Variants in MERTK observed in about 807,000 individuals in gnomAD.
MERTK encodes MER proto-oncogene, tyrosine kinase.
Under a neutral mutation model 99.3 loss-of-function variants are expected in MERTK, and 69 were observed. The ratio of observed to expected loss-of-function variants is 0.70; its 90% CI spans 0.57 to 0.85. MERTK has a LOEUF of 0.85. Among genes scored for constraint, MERTK ranks in the 40% least tolerant of loss-of-function variants. MERTK has a pLI of 0.00. For missense variants in MERTK, 1,125 were observed against 1,249.4 expected, an observed-to-expected ratio of 0.90 and a Z score of 1.50; for synonymous variants, 426 against 467.6, an observed-to-expected ratio of 0.91 and a Z score of 1.15.
intron 13 of MERTK, among the ~76,000 whole-genome samples, chr2:112,005,737 T>C (rs1330116878): frequency 6.6e-6 from 1 of 152,186 alleles, no homozygotes; most frequent in East Asian, 1.9e-4. Context: ...ATTAACCCCT[T>C]GTACCTATTC....
chr2:112,017,720 A>G (rs1677247233), intron 15 of MERTK, among the ~76,000 whole-genome samples: 1 of 152,132 alleles, frequency 6.6e-6, no homozygotes, highest in Non-Finnish European at 1.5e-5. Context: ...GCAGCACACA[A>G]GATCAGAATG....
At chr2:111,976,152 A>G (rs1676242119) in intron 7 of MERTK, among the ~76,000 whole-genome samples, 1 of 152,244 alleles carries the variant, frequency 6.6e-6, no homozygotes, top group Admixed American at 6.5e-5. Context: ...AGGATGAGAT[A>G]TAGAAGGAAA....
At chr2:111,993,432 C>T (rs187658976) in intron 8 of MERTK, among the ~76,000 whole-genome samples, 11 of 152,286 alleles carry the variant, frequency 7.2e-5, no homozygotes, top group Non-Finnish European at 1.2e-4. Flanking sequence ...CATCTGTGAC[C>T]TGCATGACCT....
chr2:112,023,280 G>A (rs1677395084), intron 18 of MERTK, among the ~76,000 whole-genome samples: 1 of 152,124 alleles, frequency 6.6e-6, no homozygotes, highest in East Asian at 1.9e-4. Context: ...CGGGTGTGGT[G>A]GCGGGCGCCT....
intron 8 of MERTK, 68 bp from the exon 9 acceptor site, chr2:111,994,183 C>T: frequency 1.9e-6 from 3 of 1,577,624 alleles, no homozygotes; most frequent in Non-Finnish European, 2.6e-6. Context: ...TCAGAAGGAA[C>T]TGTAGATGCA....
chr2:111,927,961 A>G (rs1372800876), intron 1 of MERTK, among the ~76,000 whole-genome samples: 1 of 152,208 alleles, frequency 6.6e-6, no homozygotes, highest in Non-Finnish European at 1.5e-5. Flanking sequence ...ATTTGAATAG[A>G]TAACAACCAG....
chr2:111,979,737 G>A (rs1676328189), intron 7 of MERTK, among the ~76,000 whole-genome samples: 1 of 151,628 alleles, frequency 6.6e-6, no homozygotes. Flanking sequence ...TTATCATGTT[G>A]CTAATTTCAA....
intron 8 of MERTK, among the ~76,000 whole-genome samples, chr2:111,992,640 A>G (rs987151913): frequency 6.6e-6 from 1 of 151,524 alleles, no homozygotes; most frequent in Non-Finnish European, 1.5e-5. Context: ...AGTCCCAGCT[A>G]CTCAGGAGGC....
intron 4 of MERTK, among the ~76,000 whole-genome samples, chr2:111,947,956 C>T (rs1302015217): frequency 1.3e-5 from 2 of 152,090 alleles, no homozygotes; most frequent in South Asian, 2.1e-4. Flanking sequence ...GTGGATTCAT[C>T]ATGGGGAGCT....
In MERTK at chr2:111,900,824, A is replaced by G. The variant is rs185477062; in HGVS notation, c.61+2028A>G. On this transcript the variant is annotated intron_variant, in intron 1 of 18. Transcript: ENST00000295408. ...GAATTACAGCACAAAGGAGTGCTGT[A>G]TGAAGAAATTAAACATGGAAATTAG... Among the ~76,000 whole-genome samples, 5 of 152,360 alleles carry G rather than the reference A, an allele frequency of 3.3e-5. No homozygotes were observed. In the East Asian group the frequency reaches 7.7e-4, roughly 24 times the overall value.
rs139806291 is a variant in MERTK, at chr2:111,994,422, T to A, written c.1450+18T>A. ...TGCACACGGTGAGAGCTATACCCAG[T>A]AAGGGCTGATAGGATGTGATGGTCC... On this transcript the variant is annotated intron_variant, in intron 9 of 18. Transcript: ENST00000295408. 3.1e-4 allele frequency: 502 copies of A among 1,613,792 alleles called. 2 individuals carry two copies. The African/African-American group carries it at 6.0e-3, about 19-fold the overall frequency.
intron 8 of MERTK, among the ~76,000 whole-genome samples, chr2:111,989,682 G>A (rs1027896627): frequency 6.6e-6 from 1 of 152,142 alleles, no homozygotes; most frequent in African/African-American, 2.4e-5. Flanking sequence ...AAAGTAGTTG[G>A]GGATATTTAA....
At chr2:111,909,129 C>G (rs985697842) in intron 1 of MERTK, among the ~76,000 whole-genome samples, 4 of 152,084 alleles carry the variant, frequency 2.6e-5, no homozygotes, top group African/African-American at 9.7e-5. Context: ...ATAACAAATG[C>G]TGGCAAAGGT....
intron 1 of MERTK, among the ~76,000 whole-genome samples, chr2:111,912,722 G>A (rs1339874649): frequency 3.3e-5 from 5 of 152,148 alleles, no homozygotes; most frequent in African/African-American, 1.2e-4. Flanking sequence ...TGAAGTGAGT[G>A]ATGCAACTGG....
chr2:111,982,030 T>A (rs966050366), intron 7 of MERTK, among the ~76,000 whole-genome samples: 1 of 152,076 alleles, frequency 6.6e-6, no homozygotes, highest in Non-Finnish European at 1.5e-5. Flanking sequence ...TCTTCTTTGC[T>A]ATTTTACTTT....
intron 6 of MERTK, among the ~76,000 whole-genome samples, chr2:111,969,689 C>CTTTTTTT (rs35055243): frequency 8.4e-6 from 1 of 119,182 alleles, no homozygotes; most frequent in African/African-American, 3.3e-5. Context: ...TCCAGCCTTT[C>CTTTTTTT]TTTTTTTTTT....
chr2:111,944,064 C>T (rs1035548142), intron 2 of MERTK, among the ~76,000 whole-genome samples: 1 of 151,968 alleles, frequency 6.6e-6, no homozygotes, highest in African/African-American at 2.4e-5. Flanking sequence ...TTTGGGAGGC[C>T]AAGGTGGGTG....
intron 1 of MERTK, among the ~76,000 whole-genome samples, chr2:111,904,425 G>T (rs536765548): frequency 7.3e-5 from 11 of 151,298 alleles, no homozygotes; most frequent in Non-Finnish European, 1.2e-4. Context: ...GCCCAGGCTG[G>T]AGTGCATGTG....
intron 17 of MERTK, among the ~76,000 whole-genome samples, chr2:112,021,893 T>C (rs948245185): frequency 6.6e-6 from 1 of 152,138 alleles, no homozygotes; most frequent in African/African-American, 2.4e-5. Context: ...TTAAATTGAA[T>C]GAGTTCATCC....
Sources: gnomAD v4.1 joint callset for allele counts (sites outside exome capture counted in the v4.1 genomes callset) on GRCh38, gnomAD v4.1.1 for gene constraint, MANE v1.5 for transcripts, NCBI Gene and HGNC (gene_info 2026-07-23, HGNC 2026-07-21) for gene names.